TENM3: variants seen among roughly 807,000 people sequenced by gnomAD.
TENM3 encodes the protein teneurin-3.
In TENM3, 63 loss-of-function variants were observed where a neutral mutation model predicts 255.1. The ratio of observed to expected loss-of-function variants is 0.25; its 90% CI spans 0.20 to 0.30. TENM3 has a LOEUF of 0.30. Among genes scored for constraint, TENM3 ranks in the 10% least tolerant of loss-of-function variants. The probability of loss-of-function intolerance (pLI) is 1.00; values close to 1 mark genes in which losing one functional copy is unlikely to be tolerated. For missense variants in TENM3, 2,929 were observed against 3,461.1 expected (o/e 0.85, Z 3.86); for synonymous variants, 1,306 against 1,322.3 (o/e 0.99, Z 0.27).
At chr4:182,610,910 A>AT (rs370512327) in intron 4 of TENM3, among the ~76,000 whole-genome samples, 35,052 of 141,550 alleles carry the variant, frequency 0.25, 4,460 homozygotes, top group Middle Eastern at 0.3. Flanking sequence ...TGCCCAGCTA[A>AT]TTTTTTTTTT....
the TENM3 span, among the ~76,000 whole-genome samples, chr4:182,024,100 T>C: frequency 1.3e-5 from 2 of 151,330 alleles, no homozygotes; most frequent in Non-Finnish European, 2.9e-5. Context: ...TGTAAAAATA[T>C]AGATTTGGGG....
chr4:182,169,908 T>C (rs1751987335), intron 1 of TENM3, among the ~76,000 whole-genome samples: 1 of 151,974 alleles, frequency 6.6e-6, no homozygotes, highest in African/African-American at 2.4e-5. Context: ...TACCATCTGG[T>C]AGAAAGTAAA....
At chr4:182,360,418 A>G (rs1382154818) in intron 3 of TENM3, among the ~76,000 whole-genome samples, 1 of 131,226 alleles carries the variant, frequency 7.6e-6, no homozygotes, top group Non-Finnish European at 1.6e-5. Context: ...TGTTGGGTGC[A>G]TATATATTTA....
At position 182,753,680 on chromosome 4, in the gene TENM3, C is replaced by T. The variant is rs1762525884; in HGVS notation, c.4017+76C>T. 4.2e-6 allele frequency: 6 copies of T among 1,426,214 alleles called. No individual in the cohort carries two copies. In the Admixed American group the frequency reaches 5.5e-5, roughly 13 times the overall value. 88.3% of individuals were successfully genotyped at this position (1,426,214 alleles called of 1,614,324 possible). ...TTATTCAGTCGGTAGACTATGATGGCACCATATTAAACTGCATATATCATG... is the reference window on the plus strand; with the variant it reads ...TTATTCAGTCGGTAGACTATGATGGTACCATATTAAACTGCATATATCATG... On this transcript the variant is annotated intron_variant, in intron 21 of 27. Transcript: ENST00000511685.
chr4:182,369,737 T>C (rs1409365724), intron 3 of TENM3, among the ~76,000 whole-genome samples: 1 of 151,956 alleles, frequency 6.6e-6, no homozygotes, highest in Non-Finnish European at 1.5e-5. Flanking sequence ...AAAAATTAGC[T>C]GGGCGTGGTG....
intron 5 of TENM3, among the ~76,000 whole-genome samples, chr4:182,643,777 C>T (rs1234750629): frequency 6.6e-6 from 1 of 152,062 alleles, no homozygotes. Context: ...AGAAAGATTC[C>T]TTTTGGAAGT....
chr4:181,858,550 G>A, the TENM3 span, among the ~76,000 whole-genome samples: 1 of 152,282 alleles, frequency 6.6e-6, no homozygotes, highest in South Asian at 2.1e-4. Context: ...CATGTGATAC[G>A]TTCCTGCTCT....
intron 3 of TENM3, among the ~76,000 whole-genome samples, chr4:182,447,764 G>A (rs1386579767): frequency 6.6e-6 from 1 of 152,136 alleles, no homozygotes; most frequent in Non-Finnish European, 1.5e-5. Flanking sequence ...TTATAAAAAT[G>A]AGAGGTTTGG....
the TENM3 span, among the ~76,000 whole-genome samples, chr4:181,653,328 G>A: frequency 6.6e-6 from 1 of 152,224 alleles, no homozygotes; most frequent in Non-Finnish European, 1.5e-5. Flanking sequence ...CAAGGTAGAA[G>A]GAGCTGCTGA....
At chr4:181,995,465 G>C in the TENM3 span, among the ~76,000 whole-genome samples, 1 of 152,070 alleles carries the variant, frequency 6.6e-6, no homozygotes, top group East Asian at 1.9e-4. Context: ...TCACAAAATG[G>C]AAGCACAAAT....
the TENM3 span, among the ~76,000 whole-genome samples, chr4:181,991,586 G>A: frequency 6.6e-6 from 1 of 152,130 alleles, no homozygotes; most frequent in African/African-American, 2.4e-5. Context: ...TGTGAAATGG[G>A]TTGGTGGTCT....
At chr4:181,872,885 C>T in the TENM3 span, among the ~76,000 whole-genome samples, 7 of 152,170 alleles carry the variant, frequency 4.6e-5, no homozygotes, top group Non-Finnish European at 8.8e-5. Flanking sequence ...TTATGAAAAA[C>T]ACATAGTATC....
intron 22 of TENM3, among the ~76,000 whole-genome samples, chr4:182,768,101 T>C (rs1183749970): frequency 5.3e-5 from 8 of 152,182 alleles, no homozygotes. Context: ...ACAGAAGGGA[T>C]AAAGAGCACG....
At chr4:182,663,354 A>T (rs1337648728) in intron 6 of TENM3, among the ~76,000 whole-genome samples, 1 of 137,766 alleles carries the variant, frequency 7.3e-6, no homozygotes, top group Non-Finnish European at 1.7e-5. Flanking sequence ...TCTATATTAA[A>T]TTATACTTAC....
chr4:182,455,169 G>A (rs955661859), intron 3 of TENM3, among the ~76,000 whole-genome samples: 3 of 152,148 alleles, frequency 2.0e-5, no homozygotes, highest in Non-Finnish European at 4.4e-5. Context: ...ACATTTTCTT[G>A]ATCAGAAAGG....
chr4:182,018,797 G>A, the TENM3 span, among the ~76,000 whole-genome samples: 1 of 152,130 alleles, frequency 6.6e-6, no homozygotes, highest in Admixed American at 6.6e-5. Context: ...TATTTGCTGA[G>A]TGGTTACCTA....
the TENM3 span, among the ~76,000 whole-genome samples, chr4:181,874,815 T>A: frequency 6.6e-6 from 1 of 152,224 alleles, no homozygotes; most frequent in Non-Finnish European, 1.5e-5. Context: ...TAACACAGTT[T>A]TCTACTTGGG....
intron 1 of TENM3, among the ~76,000 whole-genome samples, chr4:182,208,237 C>A (rs537369581): frequency 5.6e-4 from 85 of 152,310 alleles, no homozygotes; most frequent in Non-Finnish European, 8.8e-4. Flanking sequence ...ACTGGGTAAT[C>A]ACCCCATTAA....
intron 3 of TENM3, among the ~76,000 whole-genome samples, chr4:182,481,676 T>C (rs1734220199): frequency 6.6e-6 from 1 of 152,122 alleles, no homozygotes; most frequent in Non-Finnish European, 1.5e-5. Context: ...GCACCTGTAG[T>C]CCCAGCTACT....
Sources: gnomAD v4.1 joint callset for allele counts (sites outside exome capture counted in the v4.1 genomes callset) on GRCh38, gnomAD v4.1.1 for gene constraint, MANE v1.5 for transcripts, NCBI Gene and HGNC (gene_info 2026-07-23, HGNC 2026-07-21) for gene names.